The following ZNF606 variants were observed in gnomAD, a reference collection of about 807,000 sequenced individuals.
ZNF606 encodes the protein zinc finger protein 606.
ZNF606 carries 37 observed loss-of-function variants against 74.9 expected under a neutral mutation model. The ratio of observed to expected loss-of-function variants is 0.49; its 90% CI spans 0.38 to 0.65. The LOEUF (loss-of-function observed/expected upper bound fraction) is 0.65. ZNF606 is among the 30% of genes least tolerant of loss of function. The pLI is 0.00. For synonymous variants in ZNF606, 328 were observed against 312.4 expected (o/e 1.05, Z -0.53); for missense variants, 852 against 952.9 (o/e 0.89, Z 1.39).
rs9304808 is a variant in ZNF606 at position 58,002,815 on chromosome 19, T to A, written c.-471A>T. The A allele has an allele frequency of 1.9e-4, 85 of 449,600 alleles. 1 individual carries two copies. The highest frequency in any genetic ancestry group is 1.2e-3 in the South Asian group (77 of 64,100). 27.9% of individuals were successfully genotyped at this position (449,600 alleles called of 1,614,324 possible). On this transcript the variant is annotated 5_prime_UTR_variant, in exon 1 of 7. Transcript: ENST00000551380. The stretch of plus-strand genomic sequence containing the variant: ...GACAATGGCGGCTGCTTCCCCGGCG[T>A]CGACCGGAGCGCGCCGCGGGGTCTG...
intron 6 of ZNF606, among the ~76,000 whole-genome samples, chr19:57,980,704 G>A (rs984171178): frequency 2.0e-5 from 3 of 152,058 alleles, no homozygotes; most frequent in African/African-American, 7.2e-5. Context: ...GTGTGGTGGC[G>A]GGTGCCTGTA....
chr19:58,003,258 G>A, upstream of ZNF606: 1 of 456,752 alleles, frequency 2.2e-6, no homozygotes, highest in South Asian at 1.5e-5. Flanking sequence ...CTCGACGGCT[G>A]AGAACGTCAG....
chr19:57,979,745 G>C lies in ZNF606; in HGVS notation c.935C>G (p.Thr312Arg), dbSNP rs546670966. 1 of 1,613,322 alleles carries C rather than the reference G, an allele frequency of 6.2e-7. No homozygotes were observed. The highest frequency in any genetic ancestry group is 1.3e-5 in the African/African-American group (1 of 75,004). ...IHFGDHKGIH[T>R]GEKLYEYKEC... ...CTTATATTCATAGAGTTTTTCTCCT[G>C]TGTGAATTCCTTTATGATCACCAAA... is the stretch of plus-strand genomic sequence containing the variant. Residue 312 changes from threonine (T) to arginine (R), a missense_variant, in exon 7 of 7, where the codon ACA (threonine) becomes AGA (arginine). Coordinates refer to ENST00000551380, the MANE Select transcript of ZNF606 (RefSeq NM_001348022.3).
intron 4 of ZNF606, among the ~76,000 whole-genome samples, chr19:57,995,309 C>A (rs2073319911): frequency 6.6e-6 from 1 of 151,436 alleles, no homozygotes; most frequent in Non-Finnish European, 1.5e-5. Context: ...GGAATGTTCA[C>A]ACAGCTTTCA....
chr19:58,001,524 C>T (rs1300735368), intron 1 of ZNF606, among the ~76,000 whole-genome samples, 154 bp from the exon 2 acceptor site: 2 of 152,158 alleles, frequency 1.3e-5, no homozygotes, highest in African/African-American at 4.8e-5. Context: ...TAACACAATT[C>T]CTGGAGAGAA....
rs1292948534 is a variant in ZNF606 at position 57,978,833 on chromosome 19, A to G, written c.1847T>C (p.Ile616Thr). The change falls in exon 7 of 7, where the codon ATA becomes ACA. Residue 616 changes from isoleucine to threonine, a missense_variant. Physicochemically the swap from Ile to Thr is moderately conservative, Grantham distance 89. Transcript: ENST00000551380. This position sits in a 1 kb window ranked among gnomAD's most constrained non-coding sequence, Gnocchi z 4.4. ...RERSALTKHEIIHSGIKPYEC... is the reference protein window; with the variant it reads ...RERSALTKHETIHSGIKPYEC... Reference sequence around the variant, plus strand: ...ATAGGGCTTAATTCCAGAATGAATTATCTCATGTTTAGTGAGGGCTGAGCG... The same window carrying G: ...ATAGGGCTTAATTCCAGAATGAATTGTCTCATGTTTAGTGAGGGCTGAGCG... 1 of 1,614,052 alleles carries G rather than the reference A, an allele frequency of 6.2e-7. No individual in the cohort carries two copies. Among genetic ancestry groups the G allele is most frequent in the African/African-American group, 1.3e-5 (1 of 74,918 alleles).
At chr19:58,000,397 ATT>A in intron 3 of ZNF606, 1 of 545,920 alleles carries the variant, frequency 1.8e-6, no homozygotes, top group Non-Finnish European at 3.2e-6. Flanking sequence ...AATTTTTTGT[ATT>A]TTGTTTTAGT....
chr19:57,999,858 T>A lies in ZNF606; in HGVS notation c.127A>T (p.Ser43Cys). The change falls in exon 4 of 7, where the codon AGC (serine) becomes TGC (cysteine). Residue 43 changes from serine to cysteine, a missense_variant. Transcript: ENST00000551380. ...PQYPAWHVEG[S>C]LEEGRRATGL... is the part of the protein sequence containing the mutation. ...GTGGCCCTCCTCCCCTCCTCCAGGC[T>A]TCCCTCCACGTGCCAGGCAGGATAC... The A allele has an allele frequency of 6.2e-7, 1 of 1,614,042 alleles. No individual in the cohort carries two copies.
At chr19:57,982,786 T>G (rs1408908235) in intron 6 of ZNF606, among the ~76,000 whole-genome samples, 3 of 152,070 alleles carry the variant, frequency 2.0e-5, no homozygotes, top group Non-Finnish European at 2.9e-5. Context: ...GCATGAATCC[T>G]GTATATACAA....
At position 57,978,116 on chromosome 19, in the gene ZNF606, A is replaced by G; in HGVS notation, c.*185T>C. On this transcript the variant is annotated 3_prime_UTR_variant, in exon 7 of 7. Transcript: ENST00000551380. This position sits in a 1 kb window ranked among gnomAD's most constrained non-coding sequence, Gnocchi z 4.4. ...ATCTGATTTTGAGTAAGGGCTAAATAACTGCTGAAAGCTTTTCCCTATTCT... is the reference window on the plus strand; with the variant it reads ...ATCTGATTTTGAGTAAGGGCTAAATGACTGCTGAAAGCTTTTCCCTATTCT... The G allele has an allele frequency of 3.6e-6, 2 of 557,198 alleles. No individual in the cohort carries two copies. Among genetic ancestry groups the G allele is most frequent in the Non-Finnish European group, 5.8e-6 (2 of 342,806 alleles). 34.5% of individuals were successfully genotyped at this position (557,198 alleles called of 1,614,324 possible).
At chr19:57,998,266 G>C (rs1024780246) in intron 4 of ZNF606, 1 of 151,860 alleles carries the variant, frequency 6.6e-6, no homozygotes, top group Non-Finnish European at 1.5e-5. Flanking sequence ...GAAATACAGA[G>C]ACAACTCTAA....
chr19:57,995,189 CAAAAA>C (rs766350560), intron 4 of ZNF606, among the ~76,000 whole-genome samples: 6 of 49,522 alleles, frequency 1.2e-4, no homozygotes, highest in African/African-American at 4.1e-4. Flanking sequence ...GACTCTGACT[CAAAAA>C]AAAAAAAAAA....
intron 6 of ZNF606, among the ~76,000 whole-genome samples, chr19:57,980,834 C>CA (rs55983296): frequency 0.015 from 1,529 of 103,758 alleles, 43 homozygotes; most frequent in African/African-American, 0.047. Context: ...TACACCGTCT[C>CA]AAAAAAAAAA....
At chr19:57,995,453 C>G (rs181189437) in intron 4 of ZNF606, among the ~76,000 whole-genome samples, 2 of 152,170 alleles carry the variant, frequency 1.3e-5, no homozygotes, top group East Asian at 1.9e-4. Context: ...TTCTCTGTAT[C>G]TATCAACATG....
rs761012352 is a variant in ZNF606 at position 57,979,615 on chromosome 19, A to G, written c.1065T>C (p.Tyr355=). 61 of 1,613,516 alleles carry G rather than the reference A, an allele frequency of 3.8e-5. 1 individual carries two copies. The Middle Eastern group carries it at 3.6e-3, about 96-fold the overall frequency. ...TTTGATGTTCCATAAAGGATGAGAA[A>G]TAAAAGATATTCTCATATTCTTTGT... ...YNYKEYENIF[Y]FSSFMEHQKI... Residue 355 remains tyrosine (Y), a synonymous_variant, in exon 7 of 7, where the codon TAT becomes TAC. Transcript: ENST00000551380.
In ZNF606 at chr19:57,979,992, T is replaced by G; in HGVS notation, c.688A>C (p.Arg230=). ...TAGAAATGTTCTATCTGAGAAACTCTCTGAGATGGAACAAAGTTTAAGTTC... is the reference window on the plus strand; with the variant it reads ...TAGAAATGTTCTATCTGAGAAACTCGCTGAGATGGAACAAAGTTTAAGTTC... ...SQNLNFVPSQ[R]VSQIEHFYKP... Residue 230 remains arginine (R), a synonymous_variant, in exon 7 of 7, where the codon AGA becomes CGA. Coordinates refer to ENST00000551380, the MANE Select transcript of ZNF606 (RefSeq NM_001348022.3). 6.2e-7 allele frequency: 1 copy of G among 1,613,774 alleles called. No individual in the cohort carries two copies.
intron 6 of ZNF606, 35 bp downstream of exon 6, chr19:57,988,172 G>T: frequency 2.6e-6 from 4 of 1,568,214 alleles, no homozygotes; most frequent in Non-Finnish European, 3.5e-6. Flanking sequence ...GGGCTTGGGG[G>T]GAAGTTCCTT....
intron 4 of ZNF606, among the ~76,000 whole-genome samples, chr19:57,989,713 C>T (rs534301008): frequency 6.6e-6 from 1 of 151,888 alleles, no homozygotes; most frequent in African/African-American, 2.4e-5. Flanking sequence ...TCCCAAAATG[C>T]TGGGATTACA....
Position 57,979,631 on chromosome 19 carries a change from T to C in ZNF606, c.1049A>G (p.Tyr350Cys), listed in dbSNP as rs139449976. The change falls in exon 7 of 7, where the codon TAT becomes TGT. Residue 350 changes from tyrosine to cysteine, a missense_variant. Transcript: ENST00000551380. Reference sequence around the variant, plus strand: ...GGATGAGAAATAAAAGATATTCTCATATTCTTTGTAATTATACTGGTTTTC... The same window carrying C: ...GGATGAGAAATAAAAGATATTCTCACATTCTTTGTAATTATACTGGTTTTC... ...VGENQYNYKE[Y>C]ENIFYFSSFM... 46 of 1,613,660 alleles carry C rather than the reference T, an allele frequency of 2.9e-5. No individual in the cohort carries two copies. The African/African-American group carries it at 4.8e-4, about 17-fold the overall frequency.
Sources: allele counts gnomAD v4.1 joint callset (sites outside exome capture counted in the v4.1 genomes callset), GRCh38; gene constraint gnomAD v4.1.1; non-coding constraint Gnocchi (gnomAD v3.1); transcripts MANE v1.5; gene names NCBI Gene and HGNC (gene_info 2026-07-23, HGNC 2026-07-21).